The following SYTL2 variants were observed in gnomAD, a reference collection of about 807,000 sequenced individuals.
The protein encoded by SYTL2 is synaptotagmin-like protein 2.
A neutral mutation model predicts 198.7 loss-of-function variants in SYTL2; 165 were observed. That is an observed-to-expected ratio of 0.83 (90% confidence interval 0.73 to 0.94). The LOEUF (loss-of-function observed/expected upper bound fraction) is 0.94, where lower values mean the gene tolerates loss of function less well. Ranked by LOEUF, SYTL2 falls within the 40% of genes least tolerant of loss-of-function variation. The pLI, the probability that SYTL2 is intolerant of heterozygous loss-of-function variation, is 0.00. For missense variants in SYTL2, 2,835 were observed against 2,582.8 expected, an observed-to-expected ratio of 1.10 and a Z score of -2.12; for synonymous variants, 966 against 917.7, an observed-to-expected ratio of 1.05 and a Z score of -0.95.
chr11:85,739,710 A>C (rs1172391523), intron 4 of SYTL2, among the ~76,000 whole-genome samples: 1 of 152,062 alleles, frequency 6.6e-6, no homozygotes, highest in Non-Finnish European at 1.5e-5. Context: ...CATTCTCTCC[A>C]TCTCACTTAT....
At chr11:85,801,197 C>A (rs1320924983) in intron 1 of SYTL2, among the ~76,000 whole-genome samples, 1 of 152,186 alleles carries the variant, frequency 6.6e-6, no homozygotes, top group Non-Finnish European at 1.5e-5. Context: ...AGAAATTCTA[C>A]AAAGCACTAA....
intron 3 of SYTL2, among the ~76,000 whole-genome samples, 154 bp downstream of exon 3, chr11:85,748,118 C>T (rs958184648): frequency 6.6e-6 from 1 of 152,176 alleles, no homozygotes; most frequent in Admixed American, 6.5e-5. Context: ...CATCCAAATC[C>T]AAGGCAAGGG....
intron 5 of SYTL2, 47 bp downstream of exon 5, chr11:85,737,528 G>T (rs764320556): frequency 1.4e-6 from 2 of 1,450,634 alleles, no homozygotes; most frequent in Admixed American, 1.8e-5. Flanking sequence ...GAGGAAAAAT[G>T]GCATTCCTAA....
intron 1 of SYTL2, among the ~76,000 whole-genome samples, chr11:85,781,444 G>T (rs920849288): frequency 6.6e-6 from 1 of 151,976 alleles, no homozygotes; most frequent in Admixed American, 6.5e-5. Flanking sequence ...ATATCATTCT[G>T]CCCTGGCCCC....
At chr11:85,718,358 C>T (rs983107359) in intron 10 of SYTL2, 1 of 170,406 alleles carries the variant, frequency 5.9e-6, no homozygotes, top group African/African-American at 2.4e-5. Flanking sequence ...TTCTGGGACT[C>T]TTTCCTTTGA....
At chr11:85,833,032 AAAGAAAGAAAG>A in the SYTL2 span, among the ~76,000 whole-genome samples, 123 of 20,600 alleles carry the variant, frequency 6.0e-3, 17 homozygotes, top group African/African-American at 9.5e-3. Context: ...AGAAAGAAAG[AAAGAAAGAAAG>A]AAAGAAAGAA....
At chr11:85,828,112 T>G in the SYTL2 span, among the ~76,000 whole-genome samples, 1 of 152,178 alleles carries the variant, frequency 6.6e-6, no homozygotes, top group East Asian at 1.9e-4. Flanking sequence ...AAGGAATTAT[T>G]TATAACTTCC....
the SYTL2 span, among the ~76,000 whole-genome samples, chr11:85,845,529 G>C: frequency 6.6e-6 from 1 of 152,166 alleles, no homozygotes; most frequent in Non-Finnish European, 1.5e-5. Flanking sequence ...TTGGGAGACT[G>C]AGGCGGGAGG....
At chr11:85,709,224 C>T in intron 14 of SYTL2, 107 bp downstream of exon 14, 1 of 1,089,786 alleles carries the variant, frequency 9.2e-7, no homozygotes, top group Non-Finnish European at 1.4e-6. Context: ...AAACATTCCT[C>T]TTAACACATA....
the SYTL2 span, among the ~76,000 whole-genome samples, chr11:85,843,695 T>A: frequency 6.6e-6 from 1 of 152,208 alleles, no homozygotes; most frequent in African/African-American, 2.4e-5. Context: ...TCTCCTACTT[T>A]CCAGCATTCT....
chr11:85,845,401 C>T, the SYTL2 span, among the ~76,000 whole-genome samples: 1 of 152,112 alleles, frequency 6.6e-6, no homozygotes, highest in Non-Finnish European at 1.5e-5. Flanking sequence ...TCTTGAATTG[C>T]TAAATTTTGG....
In SYTL2 at chr11:85,717,531, C is replaced by A. The variant is rs1447708633; in HGVS notation, c.5483-1G>T. 6.2e-7 allele frequency: 1 copy of A among 1,612,172 alleles called. No individual in the cohort carries two copies. The highest frequency in any genetic ancestry group is 2.2e-5 in the East Asian group (1 of 44,806). On this transcript the variant is annotated splice_acceptor_variant, in intron 10 of 19. Coordinates refer to ENST00000359152, the MANE Select transcript of SYTL2 (RefSeq NM_206927.4). LOFTEE classifies it high-confidence loss of function. ...ACTGGCTTCTGATCTGGTTTCTCATCTACTCAGGAGGGCAACATTGAGAAT... is the reference window on the plus strand; with the variant it reads ...ACTGGCTTCTGATCTGGTTTCTCATATACTCAGGAGGGCAACATTGAGAAT...
upstream of SYTL2, among the ~76,000 whole-genome samples, chr11:85,812,719 C>T (rs114760826): frequency 1.0e-3 from 157 of 152,238 alleles, 1 homozygote; most frequent in African/African-American, 3.5e-3. Context: ...TCATATGTCA[C>T]GGCTATTGCA....
chr11:85,839,935 C>G, the SYTL2 span, among the ~76,000 whole-genome samples: 15 of 152,180 alleles, frequency 9.9e-5, no homozygotes, highest in African/African-American at 3.4e-4. Context: ...TCCACATCCT[C>G]GCCACTATTT....
chr11:85,771,615 A>G (rs2092356427), intron 1 of SYTL2, among the ~76,000 whole-genome samples: 1 of 152,146 alleles, frequency 6.6e-6, no homozygotes, highest in South Asian at 2.1e-4. Context: ...TCCCTGAACC[A>G]CTTTTACACT....
In SYTL2 at chr11:85,727,767, A is replaced by C; in HGVS notation, c.1591T>G (p.Tyr531Asp). The change falls in exon 8 of 20, where the codon TAT (tyrosine) becomes GAT (aspartate). Residue 531 changes from tyrosine to aspartate, a missense_variant. Tyr to Asp is a radical substitution (Grantham distance 160). Coordinates refer to ENST00000359152, the MANE Select transcript of SYTL2 (RefSeq NM_206927.4). The stretch of plus-strand genomic sequence containing the variant: ...AGGAATGACTTATTGTCATCTGAAT[A>C]AGAACTTCGGTTAAACCAGTCTAGA... Reference protein sequence around the residue: ...KVLDWFNRSSYSDDNKSFLQH... With the variant: ...KVLDWFNRSSDSDDNKSFLQH... 2 of 1,569,818 alleles carry C rather than the reference A, an allele frequency of 1.3e-6. No homozygotes were observed. Among genetic ancestry groups the C allele is most frequent in the Non-Finnish European group, 1.7e-6 (2 of 1,156,738 alleles).
intron 1 of SYTL2, among the ~76,000 whole-genome samples, chr11:85,805,349 C>A (rs1210127665): frequency 2.0e-5 from 3 of 149,882 alleles, no homozygotes; most frequent in African/African-American, 7.5e-5. Context: ...AACAAAAAAA[C>A]TGAAAACCTA....
At chr11:85,714,774 C>T (rs1445099694) in intron 11 of SYTL2, 1 of 846,138 alleles carries the variant, frequency 1.2e-6, no homozygotes, top group East Asian at 6.8e-5. Flanking sequence ...ACTGGAGCTG[C>T]ACTTGAATCA....
In SYTL2 at chr11:85,707,606, T is replaced by C. The variant is rs1469936465; in HGVS notation, c.5916-75A>G. On this transcript the variant is annotated intron_variant, in intron 14 of 19. Transcript: ENST00000359152. ...TTCCACCTCTAGTTTTTTAAATACA[T>C]TGAAAACTGACAGCAGAAATAATTA... 6.5e-6 allele frequency: 6 copies of C among 926,888 alleles called. 1 individual carries two copies. The African/African-American group carries it at 6.6e-5, about 10-fold the overall frequency. 57.4% of individuals were successfully genotyped at this position (926,888 alleles called of 1,614,324 possible). A position where few individuals can be genotyped will look rare whatever the true frequency, so the allele number is the denominator to read the frequency against.
Sources: gnomAD v4.1 joint callset for allele counts (sites outside exome capture counted in the v4.1 genomes callset) on GRCh38, gnomAD v4.1.1 for gene constraint, MANE v1.5 for transcripts, NCBI Gene and HGNC (gene_info 2026-07-23, HGNC 2026-07-21) for gene names.